NTRK3: variants seen among roughly 807,000 people sequenced by gnomAD.
NTRK3 encodes the protein NT-3 growth factor receptor.
A neutral mutation model predicts 91.7 loss-of-function variants in NTRK3; 24 were observed. The ratio of observed to expected loss-of-function variants is 0.26; its 90% CI spans 0.19 to 0.37. NTRK3 has a LOEUF of 0.37. Ranked by LOEUF, NTRK3 falls within the 10% of genes least tolerant of loss-of-function variation. The pLI is 1.00. For missense variants in NTRK3, 880 were observed against 1,068.9 expected, an observed-to-expected ratio of 0.82 and a Z score of 2.46; for synonymous variants, 483 against 404.0, an observed-to-expected ratio of 1.20 and a Z score of -2.34.
chr15:88,207,046 C>T (rs887195494), intron 3 of NTRK3, among the ~76,000 whole-genome samples: 1 of 152,166 alleles, frequency 6.6e-6, no homozygotes, highest in Admixed American at 6.5e-5. Flanking sequence ...CAGTCAAACT[C>T]GGAGTCACTG....
intron 17 of NTRK3, chr15:87,927,480 G>C (rs956947415): frequency 6.6e-6 from 1 of 152,128 alleles, no homozygotes; most frequent in African/African-American, 2.4e-5. Flanking sequence ...ATATCTATTT[G>C]ACTCACGGTA....
intron 13 of NTRK3, among the ~76,000 whole-genome samples, chr15:88,097,340 T>A (rs1351373673): frequency 6.6e-6 from 1 of 152,180 alleles, no homozygotes; most frequent in East Asian, 1.9e-4. Context: ...CAGAGGACTA[T>A]GAAGAGTGTG....
intron 14 of NTRK3, among the ~76,000 whole-genome samples, chr15:88,014,399 G>A (rs2077086664): frequency 1.3e-5 from 2 of 152,066 alleles, no homozygotes; most frequent in Non-Finnish European, 2.9e-5. Context: ...TTGGCCCTCA[G>A]TTTCCTCATC....
At chr15:87,933,868 G>C (rs901920636) in intron 15 of NTRK3, among the ~76,000 whole-genome samples, 3 of 152,196 alleles carry the variant, frequency 2.0e-5, no homozygotes, top group Admixed American at 6.5e-5. Flanking sequence ...GCCAGGCAGA[G>C]TCCTTCAAAG....
At chr15:87,980,138 C>T (rs983773560) in intron 14 of NTRK3, among the ~76,000 whole-genome samples, 4 of 152,336 alleles carry the variant, frequency 2.6e-5, no homozygotes, top group Middle Eastern at 3.4e-3. Flanking sequence ...AGGAGTAACA[C>T]TGGTGGCCCC....
intron 14 of NTRK3, among the ~76,000 whole-genome samples, chr15:87,968,671 G>A (rs956901304): frequency 1.3e-5 from 2 of 152,130 alleles, no homozygotes; most frequent in African/African-American, 4.8e-5. Context: ...CCCCTAAACT[G>A]ACCAAAAGTT....
intron 13 of NTRK3, among the ~76,000 whole-genome samples, chr15:88,036,504 T>C (rs1194790146): frequency 1.3e-5 from 2 of 152,050 alleles, no homozygotes; most frequent in African/African-American, 4.8e-5. Context: ...CTTGTCCCCG[T>C]CTTAGCATGC....
intron 14 of NTRK3, among the ~76,000 whole-genome samples, chr15:88,008,909 C>T (rs1292688418): frequency 6.6e-6 from 1 of 152,160 alleles, no homozygotes; most frequent in Non-Finnish European, 1.5e-5. Context: ...CTCAGATGTC[C>T]CAGACTTCAC....
chr15:88,256,707 G>A (rs901044848), exon 1 of NTRK3: 6 of 374,114 alleles, frequency 1.6e-5, no homozygotes, highest in African/African-American at 4.2e-5. Context: ...GCCGCGAATG[G>A]CTCGCCGCGC....
At chr15:88,018,817 G>C (rs943634356) in intron 14 of NTRK3, among the ~76,000 whole-genome samples, 1 of 152,134 alleles carries the variant, frequency 6.6e-6, no homozygotes, top group African/African-American at 2.4e-5. Flanking sequence ...GCACTACGCA[G>C]TGTATGATTT....
At chr15:87,913,564 CCAGT>C (rs1311099879) in intron 17 of NTRK3, among the ~76,000 whole-genome samples, 3 of 152,132 alleles carry the variant, frequency 2.0e-5, no homozygotes, top group Admixed American at 6.5e-5. Flanking sequence ...TGGGCAATCA[CCAGT>C]CAATCAGAAC....
At chr15:88,254,415 C>A (rs578035113) in intron 3 of NTRK3, among the ~76,000 whole-genome samples, 11 of 152,088 alleles carry the variant, frequency 7.2e-5, no homozygotes, top group Non-Finnish European at 1.3e-4. Flanking sequence ...TCATCTCTGG[C>A]CGGGTTGAAG....
chr15:87,966,119 C>T (rs2072772869), intron 14 of NTRK3, among the ~76,000 whole-genome samples: 1 of 151,906 alleles, frequency 6.6e-6, no homozygotes, highest in African/African-American at 2.4e-5. Flanking sequence ...AAAAACTCCA[C>T]TTGGGAACTA....
intron 13 of NTRK3, among the ~76,000 whole-genome samples, chr15:88,053,343 C>T (rs989726982): frequency 1.3e-5 from 2 of 152,164 alleles, no homozygotes; most frequent in Non-Finnish European, 2.9e-5. Context: ...TAGCCAAGGC[C>T]GGAGACCTCA....
At chr15:88,054,108 G>C (rs563901469) in intron 13 of NTRK3, among the ~76,000 whole-genome samples, 26 of 152,302 alleles carry the variant, frequency 1.7e-4, no homozygotes, top group African/African-American at 6.3e-4. Flanking sequence ...ATAAACCAGA[G>C]GCCGTTCTGG....
exon 19 of NTRK3, chr15:87,865,234 T>C (rs2064635714): frequency 4.8e-6 from 1 of 206,606 alleles, no homozygotes; most frequent in Admixed American, 5.9e-5. Context: ...CAAGTGATTG[T>C]TGCTTGGAGA....
At chr15:88,093,539 TG>T (rs570515163) in intron 13 of NTRK3, among the ~76,000 whole-genome samples, 9 of 152,328 alleles carry the variant, frequency 5.9e-5, no homozygotes, top group Admixed American at 5.9e-4. Flanking sequence ...AGCTCATAAA[TG>T]GCAGTCAGGA....
chr15:88,039,161 ACACG>A lies in NTRK3; in HGVS notation c.1397-6120_1397-6117del, dbSNP rs1332571287. ...CACACACACACACACACACACACAC[ACACG>A]CACAGAAACACACAGCCCGCCTATT... On this transcript the variant is annotated intron_variant, in intron 13 of 18. Transcript: ENST00000394480. 1.2e-4 allele frequency among the ~76,000 whole-genome samples: 18 copies of A among 150,270 alleles called. No individual in the cohort carries two copies. In the East Asian group the frequency reaches 2.9e-3, roughly 24 times the overall value.
intron 11 of NTRK3, 45 bp from the exon 12 acceptor site, chr15:88,127,271 C>T: frequency 6.5e-7 from 1 of 1,547,082 alleles, no homozygotes; most frequent in Admixed American, 1.7e-5. Flanking sequence ...AGCTTCCCGG[C>T]TGGGGAGGCT....
Sources: gnomAD v4.1 joint callset for allele counts (sites outside exome capture counted in the v4.1 genomes callset) on GRCh38, gnomAD v4.1.1 for gene constraint, MANE v1.5 for transcripts, NCBI Gene and HGNC (gene_info 2026-07-23, HGNC 2026-07-21) for gene names.